The following PM20D1 variants were observed in gnomAD, a reference collection of about 807,000 sequenced individuals.
PM20D1 encodes the protein N-fatty-acyl-amino acid synthase/hydrolase PM20D1.
A neutral mutation model predicts 53.8 loss-of-function variants in PM20D1; 53 were observed. The observed-to-expected ratio is 0.98, with a 90% CI of 0.79 to 1.24. The LOEUF is 1.24. Ranked by LOEUF, PM20D1 falls within the 50% of genes most tolerant of loss-of-function variation. The probability of loss-of-function intolerance (pLI) is 0.00; values close to 1 mark genes in which losing one functional copy is unlikely to be tolerated. For synonymous variants in PM20D1, 239 were observed against 241.3 expected (o/e 0.99, Z 0.09); for missense variants, 564 against 616.8 (o/e 0.91, Z 0.91).
At chr1:205,843,824 T>G in intron 5 of PM20D1, 38 bp from the exon 6 acceptor site, 1 of 1,604,006 alleles carries the variant, frequency 6.2e-7, no homozygotes, top group Non-Finnish European at 8.5e-7. Flanking sequence ...CCTGACTTCT[T>G]GCCTCTCTGA....
Position 205,828,635 on chromosome 1 carries a change from G to A in PM20D1, c.1494C>T (p.His498=). Residue 498 remains histidine, a synonymous_variant, in exon 13 of 13, where the codon CAC becomes CAT. Coordinates refer to ENST00000367136, the MANE Select transcript of PM20D1 (RefSeq NM_152491.5). ...NADTDQEPVS[H]LHKL Reference sequence around the variant, plus strand: ...CCCCTTGACCTCACAGTTTGTGCAGGTGAGAAACTGGCTCCTGGTCTGTGT... The same window carrying A: ...CCCCTTGACCTCACAGTTTGTGCAGATGAGAAACTGGCTCCTGGTCTGTGT... 1 of 1,614,200 alleles carries A rather than the reference G, an allele frequency of 6.2e-7. No homozygotes were observed. Among genetic ancestry groups the A allele is most frequent in the Non-Finnish European group, 8.5e-7 (1 of 1,180,028 alleles).
At chr1:205,834,727 G>T (rs974263694) in intron 10 of PM20D1, among the ~76,000 whole-genome samples, 1 of 152,204 alleles carries the variant, frequency 6.6e-6, no homozygotes, top group African/African-American at 2.4e-5. Context: ...GCCTCCATGA[G>T]GTGGGTTGGG....
chr1:205,830,082 C>A, intron 12 of PM20D1, 198 bp downstream of exon 12: 1 of 491,144 alleles, frequency 2.0e-6, no homozygotes, highest in South Asian at 3.3e-5. Context: ...GGCCAATTTC[C>A]ATAAATTCTA....
In PM20D1 at chr1:205,850,058, G is replaced by A; in HGVS notation, c.15C>T (p.Cys5=). The change falls in exon 1 of 13, where the codon TGC becomes TGT. Residue 5 remains cysteine (C), a synonymous_variant. Coordinates refer to ENST00000367136, the MANE Select transcript of PM20D1 (RefSeq NM_152491.5). ...TAGCCACCAGGGCCAGCACGCAAAC[G>A]CACCGCTGAGCCATGCTTCTCTCGA... MAQR[C]VCVLALVAML... is the part of the protein sequence containing the mutation. The A allele has an allele frequency of 4.3e-6, 7 of 1,613,470 alleles. No homozygotes were observed. The highest frequency in any genetic ancestry group is 5.9e-6 in the Non-Finnish European group (7 of 1,179,516).
intron 2 of PM20D1, among the ~76,000 whole-genome samples, chr1:205,846,198 C>T (rs1297713754): frequency 6.6e-6 from 1 of 152,024 alleles, no homozygotes; most frequent in Non-Finnish European, 1.5e-5. Flanking sequence ...CCAGCCTGGC[C>T]CACATGGTGA....
Position 205,828,624 on chromosome 1 carries a change from A to G in PM20D1, c.1505T>C (p.Leu502Pro). 2 of 1,614,164 alleles carry G rather than the reference A, an allele frequency of 1.2e-6. No individual in the cohort carries two copies. Among genetic ancestry groups the G allele is most frequent in the Non-Finnish European group, 1.7e-6 (2 of 1,180,020 alleles). The change falls in exon 13 of 13, where the codon CTG becomes CCG. Residue 502 changes from leucine to proline, a missense_variant. Transcript: ENST00000367136. ...AACCCAGCAGGCCCCTTGACCTCAC[A>G]GTTTGTGCAGGTGAGAAACTGGCTC... The part of the protein sequence containing the change: ...DQEPVSHLHK[L>P]
At position 205,843,199 on chromosome 1, in the gene PM20D1, C is replaced by T. The variant is rs375653434; in HGVS notation, c.828-448G>A. On this transcript the variant is annotated intron_variant, in intron 6 of 12. Coordinates refer to ENST00000367136, the MANE Select transcript of PM20D1 (RefSeq NM_152491.5). ...TCCTGCCAGGACAGGTGGAGAATTTCGACAGCTCTACCAGTCATTGCCAAT... is the reference window on the plus strand; with the variant it reads ...TCCTGCCAGGACAGGTGGAGAATTTTGACAGCTCTACCAGTCATTGCCAAT... Among the ~76,000 whole-genome samples the T allele has an allele frequency of 8.5e-5, 13 of 152,320 alleles. 1 individual carries two copies. In the East Asian group the frequency reaches 1.9e-3, roughly 23 times the overall value.
At chr1:205,831,855 C>T (rs576851602) in intron 11 of PM20D1, among the ~76,000 whole-genome samples, 3 of 152,268 alleles carry the variant, frequency 2.0e-5, no homozygotes, top group Non-Finnish European at 2.9e-5. Context: ...AGCCACCGTG[C>T]CCGGCTGAGC....
chr1:205,849,896 G>A lies in PM20D1; in HGVS notation c.169+8C>T. ...GAGCATAGGTGGGTGAAGGGGACCC[G>A]GGTTCACCTTTCAGCGCCTCTTTCA... On this transcript the variant is annotated splice_region_variant and intron_variant, in intron 1 of 12. Transcript: ENST00000367136. The A allele has an allele frequency of 2.5e-6, 4 of 1,609,004 alleles. No individual in the cohort carries two copies. Among genetic ancestry groups the A allele is most frequent in the South Asian group, 1.1e-5 (1 of 90,606 alleles).
At chr1:205,841,678 A>G (rs1021865309) in intron 9 of PM20D1, 133 bp downstream of exon 9, 10 of 902,218 alleles carry the variant, frequency 1.1e-5, no homozygotes, top group East Asian at 2.7e-5. Context: ...AGAAAGGCCT[A>G]TGTCTTTGCG....
At chr1:205,835,252 A>G (rs1283864268) in intron 10 of PM20D1, among the ~76,000 whole-genome samples, 2 of 152,190 alleles carry the variant, frequency 1.3e-5, no homozygotes, top group African/African-American at 4.8e-5. Flanking sequence ...GGAGAAGGGC[A>G]GGCACAAAAA....
At chr1:205,846,056 G>A (rs184751314) in intron 2 of PM20D1, among the ~76,000 whole-genome samples, 66 of 144,534 alleles carry the variant, frequency 4.6e-4, no homozygotes, top group African/African-American at 1.4e-3. Flanking sequence ...GCACTCCAGC[G>A]TGGGTGACAA....
intron 2 of PM20D1, among the ~76,000 whole-genome samples, chr1:205,846,411 T>A (rs1380722964): frequency 6.6e-6 from 1 of 151,970 alleles, no homozygotes; most frequent in African/African-American, 2.4e-5. Context: ...ACTATTAAGA[T>A]GGTCAATATC....
At position 205,842,737 on chromosome 1, in the gene PM20D1, G is replaced by A; in HGVS notation, c.842C>T (p.Pro281Leu). The change falls in exon 7 of 13, where the codon CCA becomes CTA. Residue 281 changes from proline to leucine, a missense_variant. By Grantham distance (98) the Pro-to-Leu change is moderately conservative (BLOSUM62 -3). Coordinates refer to ENST00000367136, the MANE Select transcript of PM20D1 (RefSeq NM_152491.5). The part of the protein sequence containing the change: ...AAAVSRLEQT[P>L]MPIIFGSGTV... ...CCCGCTTCCAAATATGATAGGCATT[G>A]GTGTCTGCTCCAATCTGGAAGAGAA... 1.9e-6 allele frequency: 3 copies of A among 1,613,976 alleles called. No homozygotes were observed. The highest frequency in any genetic ancestry group is 2.5e-6 in the Non-Finnish European group (3 of 1,180,006).
chr1:205,849,049 G>T (rs990194087), intron 1 of PM20D1, among the ~76,000 whole-genome samples: 2 of 152,200 alleles, frequency 1.3e-5, no homozygotes, highest in Admixed American at 1.3e-4. Context: ...TGCCTCCCAG[G>T]CTTGTCACTC....
At position 205,828,451 on chromosome 1, in the gene PM20D1, A is replaced by G. The variant is rs1050271570; in HGVS notation, c.*169T>C. 6 of 960,056 alleles carry G rather than the reference A, an allele frequency of 6.2e-6. No individual in the cohort carries two copies. Among genetic ancestry groups the G allele is most frequent in the Non-Finnish European group, 8.8e-6 (6 of 678,374 alleles). 59.5% of individuals were successfully genotyped at this position (960,056 alleles called of 1,614,324 possible). On this transcript the variant is annotated 3_prime_UTR_variant, in exon 13 of 13. Transcript: ENST00000367136. Reference sequence around the variant, plus strand: ...GAAGGGAGAAGCCAGATTTCTGCTGACTTTACCTTACCCCGGCCTTGTTCT... The same window carrying G: ...GAAGGGAGAAGCCAGATTTCTGCTGGCTTTACCTTACCCCGGCCTTGTTCT...
chr1:205,836,216 G>A (rs1656683647), intron 10 of PM20D1, among the ~76,000 whole-genome samples: 1 of 152,140 alleles, frequency 6.6e-6, no homozygotes, highest in South Asian at 2.1e-4. Flanking sequence ...ACAACCTTAT[G>A]TTGTTCTCTG....
At chr1:205,837,895 C>A (rs1332835683) in intron 10 of PM20D1, among the ~76,000 whole-genome samples, 1 of 152,088 alleles carries the variant, frequency 6.6e-6, no homozygotes, top group Non-Finnish European at 1.5e-5. Context: ...GAGGGGAATT[C>A]AGTGATTTCC....
At chr1:205,832,906 G>C (rs1315244484) in intron 10 of PM20D1, 140 bp from the exon 11 acceptor site, 5 of 963,240 alleles carry the variant, frequency 5.2e-6, no homozygotes, top group Non-Finnish European at 7.3e-6. Context: ...TAAGCACTGG[G>C]ACTTCAATTT....
Sources: gnomAD v4.1 joint callset for allele counts (sites outside exome capture counted in the v4.1 genomes callset) on GRCh38, gnomAD v4.1.1 for gene constraint, MANE v1.5 for transcripts, NCBI Gene and HGNC (gene_info 2026-07-23, HGNC 2026-07-21) for gene names.